LRP1B: variants seen among roughly 807,000 people sequenced by gnomAD.
LRP1B encodes LDL receptor related protein 1B, also known as low-density lipoprotein receptor-related protein 1B.
In LRP1B, 217 loss-of-function variants were observed where a neutral mutation model predicts 556.6. The observed-to-expected ratio is 0.39, with a 90% CI of 0.35 to 0.44. The LOEUF is 0.44. Ranked by LOEUF, LRP1B falls within the 20% of genes least tolerant of loss-of-function variation. The probability of loss-of-function intolerance (pLI) is 1.00; values close to 1 mark genes in which losing one functional copy is unlikely to be tolerated. For synonymous variants in LRP1B, 2,047 were observed against 1,865.8 expected (o/e 1.10, Z -2.50); for missense variants, 5,053 against 5,620.8 (o/e 0.90, Z 3.23).
intron 1 of LRP1B, among the ~76,000 whole-genome samples, chr2:142,104,381 T>G (rs1250228007): frequency 6.6e-6 from 1 of 152,126 alleles, no homozygotes; most frequent in Non-Finnish European, 1.5e-5. Flanking sequence ...ATCAGTTATT[T>G]CTCAGCAGTC....
At chr2:142,060,859 T>C (rs953951727) in intron 1 of LRP1B, among the ~76,000 whole-genome samples, 1 of 151,986 alleles carries the variant, frequency 6.6e-6, no homozygotes, top group Non-Finnish European at 1.5e-5. Flanking sequence ...GAGCACCAAG[T>C]TGGATGCTCT....
At chr2:141,046,713 T>C (rs987057777) in intron 11 of LRP1B, among the ~76,000 whole-genome samples, 6 of 152,026 alleles carry the variant, frequency 3.9e-5, no homozygotes, top group Admixed American at 1.3e-4. Context: ...AGCAGGAACA[T>C]CCAGTCATAG....
intron 25 of LRP1B, among the ~76,000 whole-genome samples, chr2:140,877,841 C>T (rs1055682958): frequency 2.6e-5 from 4 of 152,174 alleles, no homozygotes; most frequent in Admixed American, 6.6e-5. Context: ...ACCTTTGGCA[C>T]ATGTCATCAG....
At chr2:140,563,717 T>G (rs1358384211) in intron 43 of LRP1B, among the ~76,000 whole-genome samples, 2 of 152,206 alleles carry the variant, frequency 1.3e-5, no homozygotes. Context: ...CCGTGTTGAG[T>G]GTATCTGGAA....
At position 140,636,688 on chromosome 2, in the gene LRP1B, T is replaced by C. The variant is rs143066621; in HGVS notation, c.6800-35049A>G. 6.1e-4 allele frequency among the ~76,000 whole-genome samples: 93 copies of C among 152,316 alleles called. 2 individuals carry two copies. The East Asian group carries it at 0.015, about 25-fold the overall frequency. ...AATATTCCAAAGAGAGTAAAGATAC[T>C]GGGAATAGCATTGAATATGTGTTTA... On this transcript the variant is annotated intron_variant, in intron 41 of 90. Coordinates refer to ENST00000389484, the MANE Select transcript of LRP1B (RefSeq NM_018557.3).
At chr2:140,952,507 C>G (rs1449898933) in intron 18 of LRP1B, among the ~76,000 whole-genome samples, 1 of 148,378 alleles carries the variant, frequency 6.7e-6, no homozygotes, top group East Asian at 2.0e-4. Flanking sequence ...CGAAAAAGAA[C>G]AAAACAACAA....
intron 1 of LRP1B, among the ~76,000 whole-genome samples, chr2:141,996,566 A>T (rs1000358022): frequency 6.6e-6 from 1 of 152,246 alleles, no homozygotes; most frequent in Non-Finnish European, 1.5e-5. Context: ...CATTATTCCC[A>T]TCTGCACAGG....
At chr2:141,930,550 A>C (rs1700471580) in intron 1 of LRP1B, among the ~76,000 whole-genome samples, 1 of 152,016 alleles carries the variant, frequency 6.6e-6, no homozygotes, top group Non-Finnish European at 1.5e-5. Context: ...GATAGTTCAA[A>C]TATCAGTAAT....
chr2:141,165,936 T>C (rs1049547684), intron 7 of LRP1B, among the ~76,000 whole-genome samples: 1 of 152,018 alleles, frequency 6.6e-6, no homozygotes, highest in Admixed American at 6.6e-5. Flanking sequence ...AAATCTCTTC[T>C]ATACCTTTTA....
chr2:142,104,989 C>T (rs1706695749), intron 1 of LRP1B, among the ~76,000 whole-genome samples: 1 of 152,116 alleles, frequency 6.6e-6, no homozygotes. Flanking sequence ...ATACTCACTA[C>T]CCTCAAGGAG....
At chr2:140,807,307 C>T (rs1690752884) in intron 32 of LRP1B, among the ~76,000 whole-genome samples, 1 of 152,002 alleles carries the variant, frequency 6.6e-6, no homozygotes, top group Non-Finnish European at 1.5e-5. Context: ...ATATCATTAT[C>T]TCATAAAACA....
Position 141,786,896 on chromosome 2 carries a change from G to T in LRP1B, c.205+23383C>A, listed in dbSNP as rs148216514. Among the ~76,000 whole-genome samples, 190 of 151,974 alleles carry T rather than the reference G, an allele frequency of 1.3e-3. 2 individuals are homozygous for T. The highest frequency in any genetic ancestry group is 4.4e-3 in the African/African-American group (182 of 41,494). The stretch of plus-strand genomic sequence containing the variant: ...ATGCCTTCGCTGCATACATTGAGAT[G>T]ACTATATAGTTTTTCTCCTTTAGTA... On this transcript the variant is annotated intron_variant, in intron 2 of 90. Coordinates refer to ENST00000389484, the MANE Select transcript of LRP1B (RefSeq NM_018557.3).
At chr2:141,227,397 G>C (rs1341698483) in intron 6 of LRP1B, among the ~76,000 whole-genome samples, 1 of 152,180 alleles carries the variant, frequency 6.6e-6, no homozygotes, top group Non-Finnish European at 1.5e-5. Context: ...CTTGTGTTCA[G>C]TTTCTAGCTG....
chr2:141,402,505 TTATTTTTAA>T (rs1282594177), intron 3 of LRP1B, among the ~76,000 whole-genome samples: 2 of 152,094 alleles, frequency 1.3e-5, no homozygotes, highest in Non-Finnish European at 2.9e-5. Flanking sequence ...TTTCAAAACA[TTATTTTTAA>T]TAGTGTTTGA....
intron 35 of LRP1B, among the ~76,000 whole-genome samples, chr2:140,747,912 C>T (rs148531915): frequency 2.0e-5 from 3 of 151,100 alleles, no homozygotes; most frequent in South Asian, 2.1e-4. Flanking sequence ...ATTGCAAATG[C>T]GAGACTATTT....
intron 2 of LRP1B, among the ~76,000 whole-genome samples, chr2:141,629,267 T>C (rs1688819385): frequency 1.3e-5 from 2 of 152,202 alleles, no homozygotes; most frequent in South Asian, 2.1e-4. Context: ...ACAAGGAAGA[T>C]GGTGAGAAAC....
intron 66 of LRP1B, among the ~76,000 whole-genome samples, chr2:140,415,285 T>C (rs1430749005): frequency 6.6e-6 from 1 of 150,984 alleles, no homozygotes; most frequent in African/African-American, 2.4e-5. Flanking sequence ...TATCAGTAGT[T>C]CTGCTTTTGC....
In LRP1B at chr2:140,238,215, C is replaced by G. The variant is rs566429557; in HGVS notation, c.13497G>C (p.Glu4499Asp). The G allele has an allele frequency of 3.1e-6, 5 of 1,603,642 alleles. No homozygotes were observed. The highest frequency in any genetic ancestry group is 2.6e-6 in the Non-Finnish European group (3 of 1,172,624). Residue 4499 changes from glutamate (E) to aspartate (D), a missense_variant, in exon 89 of 91, where the codon GAG becomes GAC. This residue lies in a region of LRP1B where 551 missense variants were observed against 592.0 expected (regional missense o/e 0.93). Transcript: ENST00000389484. ...EIGNPSYNMY[E>D]VDHDHNDGGL... ...CTCCATCGTTGTGATCATGATCTAC[C>G]TCATACATGTTATAAGATGGATTGC...
In LRP1B at chr2:141,329,655, A is replaced by AAAAAAAAACAAAAC. The variant is rs1553497030; in HGVS notation, c.344-75015_344-75014insGTTTTGTTTTTTTT. ...CGAGACTCTGTCTCAAAAAAAAAAA[A>AAAAAAAAACAAAAC]AAAAAAAAAACTATCTCTCTCTCTA... On this transcript the variant is annotated intron_variant, in intron 3 of 90. Coordinates refer to ENST00000389484, the MANE Select transcript of LRP1B (RefSeq NM_018557.3). Among the ~76,000 whole-genome samples, 129 of 138,122 alleles carry AAAAAAAAACAAAAC rather than the reference A, an allele frequency of 9.3e-4. 2 individuals carry two copies. The highest frequency in any genetic ancestry group is 3.0e-3 in the African/African-American group (108 of 36,048). 90.6% of individuals were successfully genotyped at this position (138,122 alleles called of 152,430 possible). A position where few individuals can be genotyped will look rare whatever the true frequency, so the allele number is the denominator to read the frequency against.
Sources: allele counts gnomAD v4.1 joint callset (sites outside exome capture counted in the v4.1 genomes callset), GRCh38; gene constraint gnomAD v4.1.1; regional missense constraint gnomAD v4.1.1; transcripts MANE v1.5; gene names NCBI Gene and HGNC (gene_info 2026-07-23, HGNC 2026-07-21).